The following PAQR5 variants were observed in gnomAD, a reference collection of about 807,000 sequenced individuals.
The protein encoded by PAQR5 is membrane progestin receptor gamma.
PAQR5 carries 20 observed loss-of-function variants against 34.5 expected under a neutral mutation model. The observed-to-expected ratio is 0.58, with a 90% CI of 0.41 to 0.84. The LOEUF (loss-of-function observed/expected upper bound fraction) is 0.84, where lower values mean the gene tolerates loss of function less well. Ranked by LOEUF, PAQR5 falls within the 40% of genes least tolerant of loss-of-function variation. The probability of loss-of-function intolerance (pLI) is 0.00; values close to 1 mark genes in which losing one functional copy is unlikely to be tolerated. For synonymous variants in PAQR5, 131 were observed against 155.6 expected, an observed-to-expected ratio of 0.84 and a Z score of 1.18; for missense variants, 378 against 412.7, an observed-to-expected ratio of 0.92 and a Z score of 0.73.
At chr15:69,339,751 G>A (rs1454137588) in intron 2 of PAQR5, among the ~76,000 whole-genome samples, 2 of 152,020 alleles carry the variant, frequency 1.3e-5, no homozygotes, top group Non-Finnish European at 2.9e-5. Context: ...GGGATTACAG[G>A]CATGAGCCAT....
At chr15:69,372,520 G>A (rs1373054934) in intron 3 of PAQR5, among the ~76,000 whole-genome samples, 2 of 152,166 alleles carry the variant, frequency 1.3e-5, no homozygotes, top group Admixed American at 1.3e-4. Context: ...TCCACCCTGG[G>A]TGACAGAGTG....
chr15:69,397,730 C>T (rs535373465), intron 7 of PAQR5, 166 bp downstream of exon 7: 11 of 631,894 alleles, frequency 1.7e-5, no homozygotes, highest in South Asian at 3.7e-5. Flanking sequence ...GGGTATTTCT[C>T]GTCAGGTGGG....
chr15:69,355,916 A>C (rs1329183758), intron 2 of PAQR5, among the ~76,000 whole-genome samples: 1 of 152,112 alleles, frequency 6.6e-6, no homozygotes, highest in Non-Finnish European at 1.5e-5. Context: ...GGCAGCCCAC[A>C]GAGAATAATC....
intron 3 of PAQR5, among the ~76,000 whole-genome samples, chr15:69,361,917 G>A (rs1320643910): frequency 6.6e-6 from 1 of 151,910 alleles, no homozygotes; most frequent in Non-Finnish European, 1.5e-5. Context: ...AGCAGTGTGA[G>A]CAAAGGCCTA....
At chr15:69,299,794 A>C (rs1051378777) in intron 1 of PAQR5, among the ~76,000 whole-genome samples, 4 of 152,144 alleles carry the variant, frequency 2.6e-5, no homozygotes, top group Admixed American at 2.6e-4. Flanking sequence ...TTAGGTTGGG[A>C]GGAGGGCTCA....
At chr15:69,370,913 T>C (rs1475399647) in intron 3 of PAQR5, among the ~76,000 whole-genome samples, 1 of 152,242 alleles carries the variant, frequency 6.6e-6, no homozygotes, top group Non-Finnish European at 1.5e-5. Flanking sequence ...TGAGTTTAAT[T>C]ATTATCGCAC....
Position 69,406,350 on chromosome 15 carries a change from T to C in PAQR5, c.*2528T>C, listed in dbSNP as rs2056749711. Reference sequence around the variant, plus strand: ...GATGAATAAGGCCATTCAGTTAACTTTACCTCCCTTTACCCATTGAAGGGG... The same window carrying C: ...GATGAATAAGGCCATTCAGTTAACTCTACCTCCCTTTACCCATTGAAGGGG... On this transcript the variant is annotated 3_prime_UTR_variant, in exon 9 of 9. Coordinates refer to ENST00000395407, the MANE Select transcript of PAQR5 (RefSeq NM_017705.4). The C allele has an allele frequency of 6.6e-6, 1 of 152,230 alleles. No homozygotes were observed. The highest frequency in any genetic ancestry group is 6.5e-5 in the Admixed American group (1 of 15,284). 9.4% of individuals were successfully genotyped at this position (152,230 alleles called of 1,614,324 possible). A position where few individuals can be genotyped will look rare whatever the true frequency, so the allele number is the denominator to read the frequency against.
At chr15:69,351,464 G>A (rs1345625066) in intron 2 of PAQR5, among the ~76,000 whole-genome samples, 5 of 152,224 alleles carry the variant, frequency 3.3e-5, no homozygotes, top group Admixed American at 6.5e-5. Context: ...ATGCTGCCAC[G>A]GATCAGGCAA....
chr15:69,323,974 T>G (rs2054188050), intron 1 of PAQR5, among the ~76,000 whole-genome samples: 1 of 152,124 alleles, frequency 6.6e-6, no homozygotes, highest in South Asian at 2.1e-4. Context: ...CAGTTTTGCA[T>G]GGATGTGGCC....
At chr15:69,359,767 CTTA>C (rs1334567783) in intron 2 of PAQR5, among the ~76,000 whole-genome samples, 196 bp from the exon 3 acceptor site, 2 of 152,038 alleles carry the variant, frequency 1.3e-5, no homozygotes, top group African/African-American at 4.8e-5. Context: ...GGTCTCCTCC[CTTA>C]TTATTAATTA....
rs1021441646 is a variant in PAQR5 at position 69,299,016 on chromosome 15, C to G, written c.-317C>G. On this transcript the variant is annotated 5_prime_UTR_variant, in exon 1 of 9. Coordinates refer to ENST00000395407, the MANE Select transcript of PAQR5 (RefSeq NM_017705.4). ...GTCTCCGGCCTGCCTGTGCTGTCCCCGCGCCCTGTCCACTGGACTCCCGAG... is the reference window on the plus strand; with the variant it reads ...GTCTCCGGCCTGCCTGTGCTGTCCCGGCGCCCTGTCCACTGGACTCCCGAG... 6.6e-6 allele frequency: 1 copy of G among 152,050 alleles called. No homozygotes were observed. The highest frequency in any genetic ancestry group is 2.4e-5 in the African/African-American group (1 of 41,414). The allele number at this position is 152,050 out of a possible 1,614,324, so 9.4% of individuals were successfully genotyped here.
chr15:69,335,143 G>A (rs1350479008), intron 1 of PAQR5, among the ~76,000 whole-genome samples: 1 of 150,858 alleles, frequency 6.6e-6, no homozygotes, highest in African/African-American at 2.4e-5. Flanking sequence ...AGAATCGTTT[G>A]AACCCAGGAG....
Position 69,404,291 on chromosome 15 carries a change from A to C in PAQR5, c.*469A>C, listed in dbSNP as rs955010162. ...AGTCACTGGGAGGACCTGTGAAAGA[A>C]AGTTGGTCACTGAGTGCCTTGGGGA... On this transcript the variant is annotated 3_prime_UTR_variant, in exon 9 of 9. Transcript: ENST00000395407. The C allele has an allele frequency of 1.9e-5, 3 of 161,626 alleles. No individual in the cohort carries two copies. Among genetic ancestry groups the C allele is most frequent in the African/African-American group, 7.2e-5 (3 of 41,466 alleles). 10.0% of individuals were successfully genotyped at this position (161,626 alleles called of 1,614,324 possible).
chr15:69,329,516 G>C (rs112611910), intron 1 of PAQR5, among the ~76,000 whole-genome samples: 1 of 113,240 alleles, frequency 8.8e-6, no homozygotes, highest in African/African-American at 3.6e-5. Flanking sequence ...CTGTCACCTC[G>C]CTCTGTCTGA....
intron 6 of PAQR5, among the ~76,000 whole-genome samples, chr15:69,395,331 G>T (rs1446207203): frequency 6.6e-6 from 1 of 152,168 alleles, no homozygotes; most frequent in African/African-American, 2.4e-5. Context: ...TGACACTTGG[G>T]GGCCAGAAAG....
chr15:69,336,973 T>C (rs2054528069), intron 1 of PAQR5, among the ~76,000 whole-genome samples: 2 of 152,222 alleles, frequency 1.3e-5, no homozygotes, highest in Non-Finnish European at 2.9e-5. Context: ...CATTTTGTCT[T>C]GCTTTGGTCC....
intron 2 of PAQR5, among the ~76,000 whole-genome samples, chr15:69,341,195 C>T (rs1248406318): frequency 2.8e-5 from 4 of 144,602 alleles, no homozygotes; most frequent in African/African-American, 7.6e-5. Flanking sequence ...CCCCGGCCCC[C>T]CTGCCAGACT....
chr15:69,324,795 G>A (rs1038843598), intron 1 of PAQR5, among the ~76,000 whole-genome samples: 9 of 151,934 alleles, frequency 5.9e-5, no homozygotes, highest in Admixed American at 5.2e-4. Flanking sequence ...CGAATGGCAC[G>A]CCCTCTTCCT....
intron 7 of PAQR5, 178 bp downstream of exon 7, chr15:69,397,742 C>G (rs1047763263): frequency 4.9e-6 from 3 of 615,370 alleles, no homozygotes; most frequent in Non-Finnish European, 8.7e-6. Flanking sequence ...TCAGGTGGGA[C>G]GAGAGACTGA....
Sources: allele counts gnomAD v4.1 joint callset (sites outside exome capture counted in the v4.1 genomes callset), GRCh38; gene constraint gnomAD v4.1.1; transcripts MANE v1.5; gene names NCBI Gene and HGNC (gene_info 2026-07-23, HGNC 2026-07-21).